KIAA1328: variants seen among roughly 807,000 people sequenced by gnomAD.
KIAA1328 encodes the protein protein hinderin.
In KIAA1328, 52 loss-of-function variants were observed where a neutral mutation model predicts 68.1. The observed-to-expected ratio is 0.76, with a 90% confidence interval of 0.61 to 0.96. The LOEUF is 0.96. KIAA1328 is among the 40% of genes least tolerant of loss of function. The pLI is 0.00. For synonymous variants in KIAA1328, 232 were observed against 239.4 expected (o/e 0.97, Z 0.28); for missense variants, 641 against 677.6 (o/e 0.95, Z 0.60).
chr18:36,951,054 T>C (rs1336904277), intron 5 of KIAA1328, among the ~76,000 whole-genome samples: 1 of 152,202 alleles, frequency 6.6e-6, no homozygotes, highest in African/African-American at 2.4e-5. Flanking sequence ...ATCTTTTTAT[T>C]TATCTTTGTT....
intron 9 of KIAA1328, among the ~76,000 whole-genome samples, chr18:37,214,481 AG>A (rs1277303115): frequency 1.3e-5 from 2 of 152,136 alleles, no homozygotes; most frequent in Admixed American, 6.5e-5. Context: ...ATTATTTCTG[AG>A]GCCTCTGTTC....
intron 9 of KIAA1328, among the ~76,000 whole-genome samples, chr18:37,188,111 C>T (rs2059838410): frequency 6.6e-6 from 1 of 152,176 alleles, no homozygotes; most frequent in Non-Finnish European, 1.5e-5. Flanking sequence ...GACTTTCACT[C>T]GAATGCATTT....
At chr18:36,915,866 A>G (rs1442713196) in intron 5 of KIAA1328, among the ~76,000 whole-genome samples, 1 of 152,178 alleles carries the variant, frequency 6.6e-6, no homozygotes, top group Non-Finnish European at 1.5e-5. Flanking sequence ...TGATCACACA[A>G]CATACTCTAG....
chr18:36,958,906 G>T (rs954694752), intron 5 of KIAA1328, among the ~76,000 whole-genome samples: 2 of 151,544 alleles, frequency 1.3e-5, no homozygotes, highest in Non-Finnish European at 2.9e-5. Flanking sequence ...CTAATCCAAG[G>T]TCACAAAGAT....
rs2056367463 is a variant in KIAA1328, at chr18:37,067,132, T to G, written c.819T>G (p.Ser273=). The change falls in exon 7 of 10, where the codon TCT becomes TCG. Residue 273 remains serine, a synonymous_variant. Coordinates refer to ENST00000280020, the MANE Select transcript of KIAA1328 (RefSeq NM_020776.3). ...AGACCACAACATGTAATTGTGAATC[T>G]CCAGGGAGAAAACCTGCAGTCCCAA... ...PSETTTCNCE[S]PGRKPAVPTE... 2 of 1,613,972 alleles carry G rather than the reference T, an allele frequency of 1.2e-6. No individual in the cohort carries two copies. The highest frequency in any genetic ancestry group is 1.7e-6 in the Non-Finnish European group (2 of 1,179,882).
intron 6 of KIAA1328, among the ~76,000 whole-genome samples, chr18:36,970,435 A>G (rs878884226): frequency 6.6e-6 from 1 of 152,240 alleles, no homozygotes; most frequent in Non-Finnish European, 1.5e-5. Context: ...TACTCAACGT[A>G]GTATTGGAAG....
Position 37,178,701 on chromosome 18 carries a change from A to G in KIAA1328, c.1523+5620A>G, listed in dbSNP as rs755407246. On this transcript the variant is annotated intron_variant, in intron 9 of 9. Transcript: ENST00000280020. Reference sequence around the variant, plus strand: ...CTGTACTAATTTACATTCCGACCCAATAGTATATGAGAGTTTTCTTTCTCC... The same window carrying G: ...CTGTACTAATTTACATTCCGACCCAGTAGTATATGAGAGTTTTCTTTCTCC... 1.4e-3 allele frequency among the ~76,000 whole-genome samples: 211 copies of G among 152,254 alleles called. 2 individuals are homozygous for G. The highest frequency in any genetic ancestry group is 2.4e-4 in the Non-Finnish European group (16 of 68,000).
intron 7 of KIAA1328, among the ~76,000 whole-genome samples, chr18:37,137,662 C>A (rs1379795866): frequency 1.3e-5 from 2 of 152,196 alleles, no homozygotes; most frequent in African/African-American, 4.8e-5. Context: ...CTCTGCTTAT[C>A]TCCCTATTGG....
At chr18:37,017,103 A>G (rs1003815261) in intron 6 of KIAA1328, among the ~76,000 whole-genome samples, 5 of 151,974 alleles carry the variant, frequency 3.3e-5, no homozygotes, top group African/African-American at 1.2e-4. Flanking sequence ...GTCATTTACG[A>G]CTTTAAACTT....
intron 5 of KIAA1328, among the ~76,000 whole-genome samples, chr18:36,905,217 T>C (rs1469203437): frequency 6.6e-6 from 1 of 151,932 alleles, no homozygotes; most frequent in Non-Finnish European, 1.5e-5. Context: ...ATTCAAGTGA[T>C]TTTCCTGCTT....
At chr18:36,907,627 A>G (rs1162546857) in intron 5 of KIAA1328, among the ~76,000 whole-genome samples, 1 of 152,120 alleles carries the variant, frequency 6.6e-6, no homozygotes, top group African/African-American at 2.4e-5. Context: ...TGATATTGAA[A>G]TGTTATCCTT....
chr18:37,178,958 A>G (rs1450358355), intron 9 of KIAA1328, among the ~76,000 whole-genome samples: 1 of 151,932 alleles, frequency 6.6e-6, no homozygotes, highest in Non-Finnish European at 1.5e-5. Context: ...TGAGTTCCTT[A>G]TATATTTTGC....
At chr18:37,088,556 C>T (rs1397209117) in intron 7 of KIAA1328, among the ~76,000 whole-genome samples, 4 of 151,666 alleles carry the variant, frequency 2.6e-5, no homozygotes, top group Admixed American at 1.3e-4. Flanking sequence ...TTAGTTCATA[C>T]GTATTTTTTA....
At chr18:36,897,385 A>G (rs570441193) in intron 5 of KIAA1328, among the ~76,000 whole-genome samples, 31 of 152,088 alleles carry the variant, frequency 2.0e-4, no homozygotes, top group Non-Finnish European at 4.0e-4. Flanking sequence ...AGTTTTTCAA[A>G]TAGTTGTTAT....
chr18:37,151,452 G>A (rs1297516912), intron 7 of KIAA1328, among the ~76,000 whole-genome samples: 1 of 152,152 alleles, frequency 6.6e-6, no homozygotes. Flanking sequence ...AATGTGAAAG[G>A]ACTAGAATAG....
In KIAA1328 at chr18:37,224,094, C is replaced by T; in HGVS notation, c.*1867C>T. 1 of 985,276 alleles carries T rather than the reference C, an allele frequency of 1.0e-6. No individual in the cohort carries two copies. Among genetic ancestry groups the T allele is most frequent in the Non-Finnish European group, 1.2e-6 (1 of 829,904 alleles). 61.0% of individuals were successfully genotyped at this position (985,276 alleles called of 1,614,324 possible). On this transcript the variant is annotated 3_prime_UTR_variant, in exon 10 of 10. Transcript: ENST00000280020. ...AACTAAGAGCCCTCAGCCATTTTTT[C>T]AGTTAAAGTTAGGTTGCCAGAACTT...
At chr18:37,150,632 A>T (rs757783045) in intron 7 of KIAA1328, among the ~76,000 whole-genome samples, 1 of 152,042 alleles carries the variant, frequency 6.6e-6, no homozygotes, top group African/African-American at 2.4e-5. Flanking sequence ...TAAGTTCAGG[A>T]ATATGTAAAA....
chr18:37,109,815 G>A (rs1326774748), intron 7 of KIAA1328, among the ~76,000 whole-genome samples: 1 of 152,008 alleles, frequency 6.6e-6, no homozygotes, highest in African/African-American at 2.4e-5. Flanking sequence ...TAATATAGGT[G>A]GGATTGGAGA....
intron 1 of KIAA1328, chr18:36,833,253 A>G (rs1331181727): frequency 6.6e-6 from 1 of 152,120 alleles, no homozygotes; most frequent in Admixed American, 6.5e-5. Flanking sequence ...TCAAGTACCT[A>G]TATGGTTAGG....
Sources: gnomAD v4.1 joint callset for allele counts (sites outside exome capture counted in the v4.1 genomes callset) on GRCh38, gnomAD v4.1.1 for gene constraint, MANE v1.5 for transcripts, NCBI Gene and HGNC (gene_info 2026-07-23, HGNC 2026-07-21) for gene names.